Variants in WDR44 observed in about 807,000 individuals in gnomAD.
WDR44 encodes the protein WD repeat domain 44.
WDR44 carries 9 observed loss-of-function variants against 65.7 expected under a neutral mutation model. The ratio of observed to expected loss-of-function variants is 0.14; its 90% CI spans 0.08 to 0.24. The LOEUF (loss-of-function observed/expected upper bound fraction) is 0.24. Ranked by LOEUF, WDR44 falls within the 10% of genes least tolerant of loss-of-function variation. WDR44 has a pLI of 1.00. For synonymous variants in WDR44, 220 were observed against 235.2 expected (o/e 0.94, Z 0.59); for missense variants, 425 against 670.9 (o/e 0.63, Z 4.05).
rs144670569 is a variant in WDR44 at position 118,438,095 on chromosome X, G to A, written c.1974+1271G>A. Among the ~76,000 whole-genome samples the A allele has an allele frequency of 2.2e-4, 24 of 110,942 alleles. No homozygotes were observed. The East Asian group carries it at 5.4e-3, about 25-fold the overall frequency. The stretch of plus-strand genomic sequence containing the variant: ...TTGGTGGCTCACGCCTATAATCTCC[G>A]CACTTTGGGAGGCTGAGGTGGGAGG... On this transcript the variant is annotated intron_variant, in intron 14 of 19. Transcript: ENST00000254029.
At chrX:118,405,403 G>A (rs1339908750) in intron 9 of WDR44, among the ~76,000 whole-genome samples, 6 of 109,524 alleles carry the variant, frequency 5.5e-5, no homozygotes, top group Non-Finnish European at 1.1e-4. Context: ...ACAGTGGCAC[G>A]ATCTCGGCTC....
At chrX:118,395,911 T>TA (rs1226122210) in intron 6 of WDR44, among the ~76,000 whole-genome samples, 1 of 110,176 alleles carries the variant, frequency 9.1e-6, no homozygotes, top group Non-Finnish European at 1.9e-5. Flanking sequence ...TAATCCCAGT[T>TA]ACCCAGAGGC....
chrX:118,387,307 A>G, intron 2 of WDR44, 33 bp from the exon 3 acceptor site: 1 of 1,034,892 alleles, frequency 9.7e-7, no homozygotes, highest in Non-Finnish European at 1.3e-6. Context: ...AGATGTCATC[A>G]TTTGGTCTCT....
At chrX:118,377,979 T>TG (rs1204544143) in intron 1 of WDR44, among the ~76,000 whole-genome samples, 1 of 110,158 alleles carries the variant, frequency 9.1e-6, no homozygotes, top group Non-Finnish European at 1.9e-5. Flanking sequence ...CTTTTTGAGA[T>TG]GGAGTCTCGC....
intron 6 of WDR44, 70 bp downstream of exon 6, chrX:118,395,414 C>T (rs1241363303): frequency 5.7e-6 from 5 of 883,548 alleles, no homozygotes; most frequent in East Asian, 3.2e-5. Flanking sequence ...AAGATGAAAA[C>T]GTTCTGGAGA....
chrX:118,423,204 T>C (rs1480852256), intron 12 of WDR44, among the ~76,000 whole-genome samples: 2 of 111,121 alleles, frequency 1.8e-5, no homozygotes, highest in African/African-American at 3.3e-5. Context: ...GTTTCACTAT[T>C]GTTGCCTAGG....
intron 1 of WDR44, among the ~76,000 whole-genome samples, chrX:118,357,954 A>ACC (rs2056476463): frequency 9.0e-6 from 1 of 111,141 alleles, no homozygotes; most frequent in Admixed American, 9.6e-5. Flanking sequence ...CGGGCAGATC[A>ACC]TGAGGTCAGG....
At position 118,367,369 on chromosome X, in the gene WDR44, C is replaced by G. The variant is rs750273777; in HGVS notation, c.78-11050C>G. Among the ~76,000 whole-genome samples, 491 of 111,476 alleles carry G rather than the reference C, an allele frequency of 4.4e-3. 1 individual carries two copies. The highest frequency in any genetic ancestry group is 0.015 in the African/African-American group (465 of 30,726). ...CTGCTCTTTTTTTGTGTGTGTGTAGCTAAAATTATAGCTCTTGTACTTTCA... is the reference window on the plus strand; with the variant it reads ...CTGCTCTTTTTTTGTGTGTGTGTAGGTAAAATTATAGCTCTTGTACTTTCA... On this transcript the variant is annotated intron_variant, in intron 1 of 19. Transcript: ENST00000254029.
At chrX:118,439,898 T>G (rs2057289093) in intron 14 of WDR44, among the ~76,000 whole-genome samples, 1 of 108,697 alleles carries the variant, frequency 9.2e-6, no homozygotes, top group African/African-American at 3.4e-5. Context: ...GGCAGGAGGA[T>G]CACTTGAGGC....
At chrX:118,372,243 T>C (rs1298237046) in intron 1 of WDR44, among the ~76,000 whole-genome samples, 4 of 111,498 alleles carry the variant, frequency 3.6e-5, no homozygotes, top group Non-Finnish European at 7.5e-5. Context: ...CCTAAAATTA[T>C]AGGAACTCTA....
rs34195317 is a variant in WDR44, at chrX:118,349,560, A to AT, written c.77+2995dup. 7.0e-3 allele frequency among the ~76,000 whole-genome samples: 655 copies of AT among 93,216 alleles called. 1 individual carries two copies. Among genetic ancestry groups the AT allele is most frequent in the African/African-American group, 0.014 (342 of 25,196 alleles). The allele number at this position is 93,216 out of a possible 115,157, so 80.9% of individuals were successfully genotyped here. On this transcript the variant is annotated intron_variant, in intron 1 of 19. Coordinates refer to ENST00000254029, the MANE Select transcript of WDR44 (RefSeq NM_019045.5). ...ATCTTCATTTTTACATATGAGGAAC[A>AT]TTTTTTTTTTTTTTTGAGATGGAGT...
intron 1 of WDR44, 55 bp from the exon 2 acceptor site, chrX:118,378,364 T>C: frequency 1.0e-6 from 1 of 996,472 alleles, no homozygotes; most frequent in Non-Finnish European, 1.4e-6. Flanking sequence ...TGTATAGAAG[T>C]ATTTGTCTTC....
Position 118,398,401 on chromosome X carries a change from A to G in WDR44, c.1205A>G (p.Gln402Arg). 2 of 1,210,386 alleles carry G rather than the reference A, an allele frequency of 1.7e-6. No homozygotes were observed. Among genetic ancestry groups the G allele is most frequent in the Non-Finnish European group, 1.1e-6 (1 of 894,505 alleles). The change falls in exon 8 of 20, where the codon CAG (glutamine) becomes CGG (arginine). Residue 402 changes from glutamine (Q) to arginine (R), a missense_variant. Gln to Arg is a conservative substitution (Grantham distance 43). Coordinates refer to ENST00000254029, the MANE Select transcript of WDR44 (RefSeq NM_019045.5). The part of the protein sequence containing the change: ...TKEYVSNDAA[Q>R]SDDEEKLQSQ... ...CCTTCTTACAGTAATGACGCGGCACAGTCAGATGATGAAGAGAAGTTACAG... is the reference window on the plus strand; with the variant it reads ...CCTTCTTACAGTAATGACGCGGCACGGTCAGATGATGAAGAGAAGTTACAG...
intron 2 of WDR44, among the ~76,000 whole-genome samples, chrX:118,381,453 AGT>A (rs2056715088): frequency 9.0e-6 from 1 of 110,968 alleles, no homozygotes. Context: ...TGGACGATAG[AGT>A]GAGACTCTGT....
At chrX:118,394,243 G>T (rs1437467696) in intron 5 of WDR44, 58 bp downstream of exon 5, 1 of 1,187,268 alleles carries the variant, frequency 8.4e-7, no homozygotes, top group African/African-American at 1.8e-5. Context: ...CAACTGGCTG[G>T]TTTGTTGATG....
At chrX:118,429,843 A>G (rs1011182779) in intron 12 of WDR44, among the ~76,000 whole-genome samples, 2 of 110,369 alleles carry the variant, frequency 1.8e-5, no homozygotes, top group African/African-American at 6.6e-5. Flanking sequence ...GAGTTTCACC[A>G]TGTTGGCCAG....
chrX:118,398,617 G>C, intron 8 of WDR44, 147 bp downstream of exon 8: 1 of 489,468 alleles, frequency 2.0e-6, no homozygotes, highest in African/African-American at 2.4e-5. Flanking sequence ...GGGTTATGAA[G>C]TTGTATTGAT....
chrX:118,408,941 TTG>T (rs2056990092), intron 10 of WDR44, among the ~76,000 whole-genome samples: 1 of 111,776 alleles, frequency 8.9e-6, no homozygotes, highest in Non-Finnish European at 1.9e-5. Context: ...GTTCTTGAAG[TTG>T]TTAGTTTAGA....
intron 1 of WDR44, among the ~76,000 whole-genome samples, chrX:118,352,360 T>A (rs1429654645): frequency 1.6e-3 from 86 of 53,501 alleles, no homozygotes; most frequent in African/African-American, 6.5e-3. Flanking sequence ...ATATTTTTTT[T>A]TTTTTTTTTT....
Sources: gnomAD v4.1 joint callset for allele counts (sites outside exome capture counted in the v4.1 genomes callset) on GRCh38, gnomAD v4.1.1 for gene constraint, MANE v1.5 for transcripts, NCBI Gene and HGNC (gene_info 2026-07-23, HGNC 2026-07-21) for gene names.